ACTMAP: variants seen among roughly 807,000 people sequenced by gnomAD.
ACTMAP encodes the protein UPF0692 protein C19orf54.
At chr19:40,749,852 GGAT>G in the ACTMAP span, 1 of 1,216,984 alleles carries the variant, frequency 8.2e-7, no homozygotes, top group Non-Finnish European at 1.1e-6. Flanking sequence ...GGGGAGGGAA[GGAT>G]CCTCCAACGG....
the ACTMAP span, chr19:40,742,462 G>C: frequency 8.8e-6 from 13 of 1,470,282 alleles, no homozygotes; most frequent in Admixed American, 1.0e-4. Context: ...GGTGTGAGGA[G>C]CAGGGCCTGG....
chr19:40,748,696 GT>G, the ACTMAP span, among the ~76,000 whole-genome samples: 1 of 152,190 alleles, frequency 6.6e-6, no homozygotes, highest in Non-Finnish European at 1.5e-5. Flanking sequence ...ACAGCCCCAT[GT>G]TTGCCACTTC....
At chr19:40,745,158 G>A in the ACTMAP span, 6 of 1,551,810 alleles carry the variant, frequency 3.9e-6, no homozygotes, top group South Asian at 5.9e-5. Context: ...AGGGACGGCA[G>A]GTCTGCACAG....
chr19:40,742,412 A>G, the ACTMAP span: 1 of 1,449,530 alleles, frequency 6.9e-7, no homozygotes, highest in Non-Finnish European at 9.1e-7. Context: ...GCTAGGCTGC[A>G]GCCTGAGACC....
the ACTMAP span, among the ~76,000 whole-genome samples, chr19:40,749,268 T>C: frequency 6.6e-6 from 1 of 152,092 alleles, no homozygotes; most frequent in African/African-American, 2.4e-5. Context: ...TGGGATTACA[T>C]GCATGAGCCA....
chr19:40,742,040 G>A, the ACTMAP span: 4 of 473,264 alleles, frequency 8.5e-6, no homozygotes, highest in Non-Finnish European at 1.7e-5. Context: ...TAAAAGGCCA[G>A]TATGACTAGT....
chr19:40,744,993 G>T, the ACTMAP span: 1 of 1,093,696 alleles, frequency 9.1e-7, no homozygotes, highest in Non-Finnish European at 1.4e-6. Context: ...AGCCTGAGTG[G>T]AAAGTTCCCC....
the ACTMAP span, chr19:40,749,815 C>G: frequency 7.0e-7 from 1 of 1,437,236 alleles, no homozygotes. Flanking sequence ...TTGGGGTCTA[C>G]AGGAGGTGTT....
chr19:40,749,787 G>C, the ACTMAP span: 1 of 1,460,108 alleles, frequency 6.8e-7, no homozygotes, highest in Non-Finnish European at 9.0e-7. Flanking sequence ...TAGGGGAGGA[G>C]AGCATGGAGA....
chr19:40,744,510 G>A, the ACTMAP span: 30 of 1,605,154 alleles, frequency 1.9e-5, 1 homozygote, highest in African/African-American at 3.7e-4. Context: ...CAGCCTCTCT[G>A]GTCCCAGCCT....
At chr19:40,746,043 C>T in the ACTMAP span, among the ~76,000 whole-genome samples, 31 of 152,254 alleles carry the variant, frequency 2.0e-4, no homozygotes, top group Middle Eastern at 3.4e-3. Flanking sequence ...ATTTGTTTTT[C>T]GCTTCAAGTC....
the ACTMAP span, chr19:40,749,348 A>C: frequency 5.6e-5 from 49 of 877,592 alleles, no homozygotes; most frequent in Non-Finnish European, 7.8e-5. Flanking sequence ...CCACCATGGA[A>C]GAGATCTAGG....
At chr19:40,747,927 C>A in the ACTMAP span, among the ~76,000 whole-genome samples, 1 of 152,090 alleles carries the variant, frequency 6.6e-6, no homozygotes, top group Non-Finnish European at 1.5e-5. Context: ...TTGGACTCTT[C>A]CTCTTTCTGC....
chr19:40,742,502 G>A, the ACTMAP span: 22 of 1,518,612 alleles, frequency 1.4e-5, no homozygotes, highest in African/African-American at 2.7e-5. Context: ...CCCCACCCAC[G>A]GGCACCACGT....
the ACTMAP span, chr19:40,749,783 A>C: frequency 6.8e-7 from 1 of 1,465,128 alleles, no homozygotes; most frequent in African/African-American, 1.4e-5. Context: ...GTTTTAGGGG[A>C]GGAGAGCATG....
chr19:40,745,263 G>A, the ACTMAP span: 1 of 1,486,816 alleles, frequency 6.7e-7, no homozygotes, highest in Non-Finnish European at 9.2e-7. Context: ...CCTGAGGTCT[G>A]GCTGGGAGTG....
chr19:40,745,114 G>C, the ACTMAP span: 2 of 1,551,718 alleles, frequency 1.3e-6, no homozygotes, highest in Non-Finnish European at 1.7e-6. Flanking sequence ...TGGGGTTCCC[G>C]CATCAGGGCA....
chr19:40,741,919 C>T, the ACTMAP span: 1 of 448,566 alleles, frequency 2.2e-6, no homozygotes, highest in Admixed American at 2.4e-5. Flanking sequence ...CAGGACTCTT[C>T]CCTGAGGTAG....
chr19:40,741,589 G>C, the ACTMAP span: 24 of 391,566 alleles, frequency 6.1e-5, no homozygotes, highest in Admixed American at 6.3e-4. Flanking sequence ...ACACTCACTA[G>C]AAGTTTGTAT....
Sources: gnomAD v4.1 joint callset for allele counts (sites outside exome capture counted in the v4.1 genomes callset) on GRCh38, gnomAD v4.1.1 for gene constraint, MANE v1.5 for transcripts, NCBI Gene and HGNC (gene_info 2026-07-23, HGNC 2026-07-21) for gene names.